The following DCDC1 variants were observed in gnomAD, a reference collection of about 807,000 sequenced individuals.
DCDC1 encodes the protein doublecortin domain containing 1.
Under a neutral mutation model 178.3 loss-of-function variants are expected in DCDC1, and 200 were observed. That is an observed-to-expected ratio of 1.12 (90% confidence interval 1.00 to 1.26). The LOEUF (loss-of-function observed/expected upper bound fraction) is 1.26, where lower values mean the gene tolerates loss of function less well. Ranked by LOEUF, DCDC1 falls within the 50% of genes most tolerant of loss-of-function variation. The pLI is 0.00. For synonymous variants in DCDC1, 690 were observed against 604.8 expected, an observed-to-expected ratio of 1.14 and a Z score of -2.07; for missense variants, 1,983 against 1,749.2, an observed-to-expected ratio of 1.13 and a Z score of -2.38.
chr11:30,971,135 T>C (rs1437358249), intron 20 of DCDC1, among the ~76,000 whole-genome samples: 1 of 152,160 alleles, frequency 6.6e-6, no homozygotes, highest in Non-Finnish European at 1.5e-5. Context: ...ACCAACACCG[T>C]AAATACATCT....
intron 20 of DCDC1, among the ~76,000 whole-genome samples, chr11:31,022,095 G>A (rs1590789017): frequency 6.6e-6 from 1 of 152,066 alleles, no homozygotes; most frequent in Non-Finnish European, 1.5e-5. Flanking sequence ...TTCATTCAGA[G>A]CACAGTCTCA....
chr11:31,174,105 G>A (rs965707035), intron 9 of DCDC1, among the ~76,000 whole-genome samples: 1 of 152,138 alleles, frequency 6.6e-6, no homozygotes, highest in Non-Finnish European at 1.5e-5. Context: ...AGGCATCCCT[G>A]TGCTCTTGGG....
At chr11:30,907,697 T>G (rs917446026) in intron 29 of DCDC1, among the ~76,000 whole-genome samples, 3 of 151,956 alleles carry the variant, frequency 2.0e-5, no homozygotes, top group Non-Finnish European at 4.4e-5. Flanking sequence ...GACCATCCAG[T>G]CCCCATAAAA....
chr11:31,126,891 T>C (rs970809963), intron 11 of DCDC1, among the ~76,000 whole-genome samples: 12 of 152,226 alleles, frequency 7.9e-5, no homozygotes, highest in African/African-American at 2.4e-4. Context: ...AAAGATGCAA[T>C]AGCAAAGTAG....
chr11:31,170,990 G>C (rs948877001), intron 9 of DCDC1, among the ~76,000 whole-genome samples: 16 of 151,992 alleles, frequency 1.1e-4, no homozygotes, highest in African/African-American at 3.4e-4. Flanking sequence ...CACCATGCCA[G>C]GCTAATTTTG....
At chr11:30,888,149 A>T (rs536462304) in intron 36 of DCDC1, among the ~76,000 whole-genome samples, 458 of 139,312 alleles carry the variant, frequency 3.3e-3, no homozygotes, top group African/African-American at 0.013. Context: ...AAAGAAAGAA[A>T]GAAAGAAAGA....
intron 2 of DCDC1, among the ~76,000 whole-genome samples, chr11:31,331,265 C>T (rs1949970081): frequency 6.6e-6 from 1 of 152,186 alleles, no homozygotes; most frequent in Non-Finnish European, 1.5e-5. Flanking sequence ...TGCTTATCAG[C>T]TTAAGGAGAT....
chr11:30,871,062 G>A (rs1256326023), intron 38 of DCDC1, among the ~76,000 whole-genome samples: 1 of 152,210 alleles, frequency 6.6e-6, no homozygotes, highest in Non-Finnish European at 1.5e-5. Flanking sequence ...AAAGGAATGA[G>A]TAGAAGCCAT....
At position 31,328,945 on chromosome 11, in the gene DCDC1, C is replaced by CTTTTTTTTTTT. The variant is rs1176942329; in HGVS notation, c.-6-670_-6-660dup. Among the ~76,000 whole-genome samples, 16 of 47,800 alleles carry CTTTTTTTTTTT rather than the reference C, an allele frequency of 3.3e-4. 1 individual carries two copies. Among genetic ancestry groups the CTTTTTTTTTTT allele is most frequent in the Non-Finnish European group, 4.2e-4 (10 of 23,764 alleles). The allele number at this position is 47,800 out of a possible 152,430, so 31.4% of individuals were successfully genotyped here. A position where few individuals can be genotyped will look rare whatever the true frequency, so the allele number is the denominator to read the frequency against. Reference sequence around the variant, plus strand: ...GTTACTGAAAAAGCACACCACAAGGCTTTTTTTTTTTTTTTTTTTTTTTTT... The same window carrying CTTTTTTTTTTT: ...GTTACTGAAAAAGCACACCACAAGGCTTTTTTTTTTTTTTTTTTTTTTTTTTTTTTTTTTTT... On this transcript the variant is annotated intron_variant, in intron 2 of 38. Coordinates refer to ENST00000684477, the MANE Select transcript of DCDC1 (RefSeq NM_001387274.1).
At chr11:31,029,435 A>C (rs1340852290) in intron 20 of DCDC1, among the ~76,000 whole-genome samples, 1 of 152,140 alleles carries the variant, frequency 6.6e-6, no homozygotes, top group East Asian at 1.9e-4. Flanking sequence ...CTGAGAAAAC[A>C]ATGGTGATGT....
chr11:30,962,108 A>G (rs2134586770), intron 20 of DCDC1, among the ~76,000 whole-genome samples: 1 of 152,220 alleles, frequency 6.6e-6, no homozygotes, highest in Non-Finnish European at 1.5e-5. Flanking sequence ...TATGTAAACA[A>G]TTATTTTAAG....
At chr11:31,030,421 G>C (rs1484411313) in intron 20 of DCDC1, among the ~76,000 whole-genome samples, 2 of 151,720 alleles carry the variant, frequency 1.3e-5, no homozygotes, top group Non-Finnish European at 2.9e-5. Flanking sequence ...GCGTGTGGGG[G>C]TGATGATTTT....
At chr11:30,946,473 C>T (rs1421578731) in intron 21 of DCDC1, among the ~76,000 whole-genome samples, 2 of 152,174 alleles carry the variant, frequency 1.3e-5, no homozygotes, top group African/African-American at 2.4e-5. Flanking sequence ...TTGAATAACT[C>T]TTTTTTTCTT....
chr11:31,066,895 T>A (rs1230474937), intron 18 of DCDC1, among the ~76,000 whole-genome samples: 1 of 152,116 alleles, frequency 6.6e-6, no homozygotes, highest in African/African-American at 2.4e-5. Context: ...GGTTCACCAG[T>A]TATAACAAAT....
intron 9 of DCDC1, among the ~76,000 whole-genome samples, chr11:31,234,977 T>C (rs1976272935): frequency 6.6e-6 from 1 of 152,218 alleles, no homozygotes; most frequent in Non-Finnish European, 1.5e-5. Flanking sequence ...AAAGAACATT[T>C]GTCAGGTCTA....
At chr11:30,959,603 C>T (rs139759822) in intron 20 of DCDC1, among the ~76,000 whole-genome samples, 5 of 152,196 alleles carry the variant, frequency 3.3e-5, no homozygotes, top group Non-Finnish European at 5.9e-5. Flanking sequence ...CCAGTCATTC[C>T]ACCACTTCCT....
chr11:30,977,944 C>G (rs897069516), intron 20 of DCDC1, among the ~76,000 whole-genome samples: 1 of 152,128 alleles, frequency 6.6e-6, no homozygotes, highest in Non-Finnish European at 1.5e-5. Flanking sequence ...AAAAACCAAA[C>G]AGTAAGAAAT....
At chr11:31,098,569 C>T (rs1958301263) in intron 15 of DCDC1, among the ~76,000 whole-genome samples, 1 of 152,182 alleles carries the variant, frequency 6.6e-6, no homozygotes, top group African/African-American at 2.4e-5. Flanking sequence ...AATTTTAAAA[C>T]ATATGCATCA....
chr11:31,361,654 T>A (rs754452764), intron 1 of DCDC1, among the ~76,000 whole-genome samples: 2 of 152,162 alleles, frequency 1.3e-5, no homozygotes, highest in Non-Finnish European at 2.9e-5. Context: ...CTAATTTTTG[T>A]ATTTTTAGTA....
Sources: gnomAD v4.1 joint callset for allele counts (sites outside exome capture counted in the v4.1 genomes callset) on GRCh38, gnomAD v4.1.1 for gene constraint, MANE v1.5 for transcripts, NCBI Gene and HGNC (gene_info 2026-07-23, HGNC 2026-07-21) for gene names.